The following SV2C variants were observed in gnomAD, a reference collection of about 807,000 sequenced individuals.
The protein encoded by SV2C is synaptic vesicle glycoprotein 2C.
SV2C carries 49 observed loss-of-function variants against 79.7 expected under a neutral mutation model. The ratio of observed to expected loss-of-function variants is 0.61; its 90% CI spans 0.49 to 0.78. The LOEUF is 0.78. SV2C is among the 30% of genes least tolerant of loss of function. The pLI is 0.00. For synonymous variants in SV2C, 334 were observed against 333.2 expected, an observed-to-expected ratio of 1.00 and a Z score of -0.03; for missense variants, 833 against 912.9, an observed-to-expected ratio of 0.91 and a Z score of 1.13.
chr5:76,109,958 C>T (rs182902276), intron 1 of SV2C, among the ~76,000 whole-genome samples: 12 of 152,252 alleles, frequency 7.9e-5, no homozygotes, highest in African/African-American at 2.9e-4. Flanking sequence ...TCCACAATGA[C>T]TTAAGTCAAC....
chr5:76,296,029 T>G (rs960197538), intron 9 of SV2C, 87 bp downstream of exon 9: 9 of 1,320,996 alleles, frequency 6.8e-6, no homozygotes, highest in African/African-American at 1.5e-5. Flanking sequence ...ACAGGCATAG[T>G]TTTTTGTTTG....
chr5:76,085,375 C>T (rs1031728035), intron 1 of SV2C, among the ~76,000 whole-genome samples: 2 of 152,174 alleles, frequency 1.3e-5, no homozygotes, highest in Admixed American at 1.3e-4. Context: ...CTACTGATAA[C>T]GCATTCTCTG....
intron 1 of SV2C, among the ~76,000 whole-genome samples, chr5:76,111,068 C>T (rs1748080435): frequency 6.6e-6 from 1 of 152,170 alleles, no homozygotes; most frequent in African/African-American, 2.4e-5. Context: ...ATGTGCAATG[C>T]AGATGATGTC....
chr5:75,889,225 T>C, the SV2C span, among the ~76,000 whole-genome samples: 12 of 151,598 alleles, frequency 7.9e-5, no homozygotes, highest in East Asian at 2.4e-3. Flanking sequence ...GCATTAGGTA[T>C]TTCTCCTAAT....
chr5:76,331,978 C>T lies in SV2C; in HGVS notation c.*6431C>T, dbSNP rs202000521. 2.6e-5 allele frequency: 4 copies of T among 152,252 alleles called. No individual in the cohort carries two copies. The East Asian group carries it at 7.7e-4, about 29-fold the overall frequency. 9.4% of individuals were successfully genotyped at this position (152,252 alleles called of 1,614,324 possible). A position where few individuals can be genotyped will look rare whatever the true frequency, so the allele number is the denominator to read the frequency against. On this transcript the variant is annotated 3_prime_UTR_variant, in exon 13 of 13. Coordinates refer to ENST00000502798, the MANE Select transcript of SV2C (RefSeq NM_014979.4). ...CATCTCCAGAGCAGAAGTCTGAGAG[C>T]TCAGCGTTTGACTCCTGAAAGACCA...
chr5:76,050,849 C>T, the SV2C span, among the ~76,000 whole-genome samples: 1 of 152,104 alleles, frequency 6.6e-6, no homozygotes, highest in Non-Finnish European at 1.5e-5. Flanking sequence ...GATTTTCTTC[C>T]TGTTTATCAA....
chr5:76,341,975 T>G (rs760386063), intron 12 of SV2C, among the ~76,000 whole-genome samples: 5 of 152,312 alleles, frequency 3.3e-5, no homozygotes, highest in Non-Finnish European at 5.9e-5. Flanking sequence ...CCTAGGCCTG[T>G]GGTGACCCCG....
the SV2C span, among the ~76,000 whole-genome samples, chr5:75,958,575 G>T: frequency 6.6e-6 from 1 of 151,974 alleles, no homozygotes; most frequent in Non-Finnish European, 1.5e-5. Flanking sequence ...CCCTGACTTT[G>T]GGAATGTAGA....
At chr5:76,210,417 G>A (rs568342635) in intron 4 of SV2C, among the ~76,000 whole-genome samples, 1 of 152,250 alleles carries the variant, frequency 6.6e-6, no homozygotes, top group Non-Finnish European at 1.5e-5. Context: ...CAGAACTCAG[G>A]GAAACAACTC....
the SV2C span, among the ~76,000 whole-genome samples, chr5:75,902,323 A>G: frequency 3.9e-5 from 6 of 152,204 alleles, no homozygotes; most frequent in Non-Finnish European, 7.3e-5. Context: ...ACACTAACAC[A>G]TAGGAAATCT....
chr5:75,894,838 A>G, the SV2C span, among the ~76,000 whole-genome samples: 1 of 152,108 alleles, frequency 6.6e-6, no homozygotes, highest in African/African-American at 2.4e-5. Context: ...AAGGCTGTGC[A>G]CATGCCCAGG....
At chr5:76,229,016 A>G (rs1280727682) in intron 4 of SV2C, among the ~76,000 whole-genome samples, 2 of 152,200 alleles carry the variant, frequency 1.3e-5, no homozygotes, top group African/African-American at 4.8e-5. Context: ...TCTGTCAAAC[A>G]TTCCTCAAGT....
chr5:76,187,076 C>T (rs1301604173), intron 2 of SV2C, among the ~76,000 whole-genome samples: 2 of 152,154 alleles, frequency 1.3e-5, no homozygotes, highest in Non-Finnish European at 2.9e-5. Context: ...AACTGATATG[C>T]GATGTCCATG....
At chr5:75,927,726 A>G in the SV2C span, among the ~76,000 whole-genome samples, 2 of 152,224 alleles carry the variant, frequency 1.3e-5, no homozygotes, top group South Asian at 2.1e-4. Flanking sequence ...GGTTATGGAT[A>G]TGTTTAGTGC....
the SV2C span, among the ~76,000 whole-genome samples, chr5:76,047,940 T>A: frequency 1.3e-5 from 2 of 152,008 alleles, no homozygotes; most frequent in Non-Finnish European, 2.9e-5. Context: ...CCGGCTAATT[T>A]TTTTGTATTT....
the SV2C span, among the ~76,000 whole-genome samples, chr5:75,952,605 T>C: frequency 9.0e-4 from 137 of 151,828 alleles, 1 homozygote; most frequent in African/African-American, 3.2e-3. Context: ...TCACACACAA[T>C]CTGGTTGTTT....
chr5:75,940,696 G>A, the SV2C span, among the ~76,000 whole-genome samples: 3 of 152,298 alleles, frequency 2.0e-5, no homozygotes, highest in African/African-American at 7.2e-5. Context: ...AAGAGAATTA[G>A]GGGAAAGGGC....
At chr5:76,248,530 G>T (rs1159976377) in intron 4 of SV2C, among the ~76,000 whole-genome samples, 1 of 152,054 alleles carries the variant, frequency 6.6e-6, no homozygotes, top group Non-Finnish European at 1.5e-5. Flanking sequence ...GGGGGTTAGG[G>T]CTTCAATATA....
chr5:75,946,250 G>T, the SV2C span, among the ~76,000 whole-genome samples: 1 of 152,062 alleles, frequency 6.6e-6, no homozygotes, highest in Non-Finnish European at 1.5e-5. Context: ...AGAATACAGT[G>T]TGATGTATAT....
Sources: allele counts gnomAD v4.1 joint callset (sites outside exome capture counted in the v4.1 genomes callset), GRCh38; gene constraint gnomAD v4.1.1; transcripts MANE v1.5; gene names NCBI Gene and HGNC (gene_info 2026-07-23, HGNC 2026-07-21).